Variants in FANCB observed in about 807,000 individuals in gnomAD.
The protein encoded by FANCB is FA complementation group B, also known as Fanconi anemia group B protein.
In FANCB, 5 loss-of-function variants were observed where a neutral mutation model predicts 38.9. The observed-to-expected ratio is 0.13, with a 90% CI of 0.07 to 0.27. The LOEUF (loss-of-function observed/expected upper bound fraction) is 0.27, where lower values mean the gene tolerates loss of function less well. FANCB is among the 10% of genes least tolerant of loss of function. The probability of loss-of-function intolerance (pLI) is 1.00; values close to 1 mark genes in which losing one functional copy is unlikely to be tolerated. For synonymous variants in FANCB, 236 were observed against 215.4 expected (o/e 1.10, Z -0.84); for missense variants, 573 against 602.7 (o/e 0.95, Z 0.52).
chrX:14,858,954 C>A (rs1455236297), intron 4 of FANCB, among the ~76,000 whole-genome samples: 1 of 110,605 alleles, frequency 9.0e-6, no homozygotes, highest in East Asian at 2.8e-4. Flanking sequence ...TAAGTGACCA[C>A]CAAATGTACT....
At chrX:14,797,757 G>A in the FANCB span, among the ~76,000 whole-genome samples, 2 of 110,059 alleles carry the variant, frequency 1.8e-5, no homozygotes, top group Admixed American at 9.7e-5. Flanking sequence ...AGAGGGGGGA[G>A]TTAAGTTTTG....
rs1254325748 is a variant in FANCB, at chrX:14,853,084, T to C, written c.1281A>G (p.Ile427Met). The part of the protein sequence containing the change: ...KIISKSYKAL[I>M]NLVQGKDDNT... ...TATCATCTTTTCCTTGAACTAGGTTTATTAAAGCTTTGTAAGATTTTGAAA... is the reference window on the plus strand; with the variant it reads ...TATCATCTTTTCCTTGAACTAGGTTCATTAAAGCTTTGTAAGATTTTGAAA... The change falls in exon 6 of 10, where the codon ATA (isoleucine) becomes ATG (methionine). Residue 427 changes from isoleucine (I) to methionine (M), a missense_variant. Ile to Met is a conservative substitution (Grantham distance 10). Coordinates refer to ENST00000650831, the MANE Select transcript of FANCB (RefSeq NM_001018113.3). 1 of 1,201,866 alleles carries C rather than the reference T, an allele frequency of 8.3e-7. No homozygotes were observed. Among genetic ancestry groups the C allele is most frequent in the East Asian group, 3.0e-5 (1 of 33,656 alleles).
the FANCB span, among the ~76,000 whole-genome samples, chrX:14,697,106 T>G: frequency 1.8e-5 from 2 of 109,658 alleles, no homozygotes; most frequent in East Asian, 5.6e-4. Flanking sequence ...AAAAAAATGA[T>G]AACAAGAGCT....
chrX:14,774,263 A>G, the FANCB span, among the ~76,000 whole-genome samples: 2 of 112,086 alleles, frequency 1.8e-5, no homozygotes, highest in Non-Finnish European at 3.8e-5. Flanking sequence ...AAGAATAACA[A>G]AAGTAATGAA....
chrX:14,868,860 A>G (rs1427326985), intron 2 of FANCB, 63 bp downstream of exon 2: 1 of 112,028 alleles, frequency 8.9e-6, no homozygotes, highest in Admixed American at 9.5e-5. Flanking sequence ...CTCTCTAGAT[A>G]TATACAATTA....
chrX:14,699,663 C>T, the FANCB span, among the ~76,000 whole-genome samples: 1 of 111,659 alleles, frequency 9.0e-6, no homozygotes, highest in African/African-American at 3.3e-5. Flanking sequence ...AAGACCAGAA[C>T]TTATTCCTCC....
Position 14,864,905 on chromosome X carries a change from T to C in FANCB, c.606A>G (p.Lys202=). 8.3e-7 allele frequency: 1 copy of C among 1,208,357 alleles called. No individual in the cohort carries two copies. The highest frequency in any genetic ancestry group is 1.1e-6 in the Non-Finnish European group (1 of 892,249). ...TGGTATTCCAAATTGCATAATCTGA[T>C]TTTGAAGGCTCTTGAGTACATTCTT... The part of the protein sequence containing the change: ...SEEECTQEPS[K]SDYAIWNTKF... Residue 202 remains lysine (K), a synonymous_variant, in exon 3 of 10, where the codon AAA becomes AAG. Coordinates refer to ENST00000650831, the MANE Select transcript of FANCB (RefSeq NM_001018113.3).
intron 7 of FANCB, among the ~76,000 whole-genome samples, chrX:14,849,945 C>A (rs1391630187): frequency 8.9e-6 from 1 of 112,074 alleles, no homozygotes; most frequent in Non-Finnish European, 1.9e-5. Context: ...AAATACACAC[C>A]AAATTTTTAA....
the FANCB span, among the ~76,000 whole-genome samples, chrX:14,756,834 T>C: frequency 7.5e-3 from 844 of 112,179 alleles, 10 homozygotes; most frequent in African/African-American, 0.026. Flanking sequence ...CAGTAGTAAA[T>C]GCTGTAATGA....
the FANCB span, among the ~76,000 whole-genome samples, chrX:14,824,810 T>A: frequency 8.9e-6 from 1 of 112,522 alleles, no homozygotes; most frequent in African/African-American, 3.2e-5. Flanking sequence ...GCAATTATTG[T>A]CTTGTACAGA....
chrX:14,793,879 G>A, the FANCB span, among the ~76,000 whole-genome samples: 1 of 111,713 alleles, frequency 9.0e-6, no homozygotes, highest in East Asian at 2.8e-4. Context: ...TATTTGGGTT[G>A]AAGAAGGAGA....
the FANCB span, among the ~76,000 whole-genome samples, chrX:14,798,877 A>G: frequency 8.9e-6 from 1 of 112,005 alleles, no homozygotes; most frequent in Non-Finnish European, 1.9e-5. Context: ...TCACATGACA[A>G]AAAGGAAACT....
intron 5 of FANCB, among the ~76,000 whole-genome samples, chrX:14,853,864 A>G (rs1380931408): frequency 8.9e-6 from 1 of 112,236 alleles, no homozygotes; most frequent in East Asian, 2.8e-4. Flanking sequence ...TTGCTACTGA[A>G]AATTTAAAGA....
At chrX:14,781,192 G>A in the FANCB span, among the ~76,000 whole-genome samples, 1 of 107,239 alleles carries the variant, frequency 9.3e-6, no homozygotes, top group Non-Finnish European at 1.9e-5. Context: ...AACTTTGGGA[G>A]GCTCAGGTGG....
the FANCB span, among the ~76,000 whole-genome samples, chrX:14,693,023 C>T: frequency 2.9e-5 from 3 of 104,744 alleles, no homozygotes; most frequent in Non-Finnish European, 5.9e-5. Context: ...GCACATGTAC[C>T]CTAAAACTTA....
At chrX:14,839,585 A>G (rs1379882964), downstream of FANCB, among the ~76,000 whole-genome samples, 1 of 111,343 alleles carries the variant, frequency 9.0e-6, no homozygotes, top group Non-Finnish European at 1.9e-5. Flanking sequence ...TTTCAGGTAT[A>G]TACTACTATC....
chrX:14,753,338 C>A, the FANCB span, among the ~76,000 whole-genome samples: 4 of 111,730 alleles, frequency 3.6e-5, no homozygotes, highest in African/African-American at 1.3e-4. Context: ...TCTTTCTTTT[C>A]TTTAATGATA....
chrX:14,818,230 A>T, the FANCB span, among the ~76,000 whole-genome samples: 1 of 109,801 alleles, frequency 9.1e-6, no homozygotes, highest in Admixed American at 9.8e-5. Flanking sequence ...AGCAGTAGGG[A>T]GAGTGGTGCC....
At chrX:14,839,852 G>A (rs1300462479), downstream of FANCB, among the ~76,000 whole-genome samples, 1 of 108,919 alleles carries the variant, frequency 9.2e-6, no homozygotes, top group African/African-American at 3.5e-5. Context: ...CTGTTACAAG[G>A]GATTTTTTTT....
Sources: allele counts gnomAD v4.1 joint callset (sites outside exome capture counted in the v4.1 genomes callset), GRCh38; gene constraint gnomAD v4.1.1; transcripts MANE v1.5; gene names NCBI Gene and HGNC (gene_info 2026-07-23, HGNC 2026-07-21).